Variants in NUP98 observed in about 807,000 individuals in gnomAD.
NUP98 encodes the protein nucleoporin 98 and 96 precursor.
Under a neutral mutation model 191.9 loss-of-function variants are expected in NUP98, and 26 were observed. That is an observed-to-expected ratio of 0.14 (90% CI 0.10 to 0.19). The LOEUF (loss-of-function observed/expected upper bound fraction) is 0.19, where lower values mean the gene tolerates loss of function less well. Ranked by LOEUF, NUP98 falls within the 10% of genes least tolerant of loss-of-function variation. NUP98 has a pLI of 1.00. For missense variants in NUP98, 1,941 were observed against 2,178.8 expected (o/e 0.89, Z 2.17); for synonymous variants, 808 against 778.4 (o/e 1.04, Z -0.63).
chr11:3,793,691 C>A (rs1050325390), intron 1 of NUP98, among the ~76,000 whole-genome samples: 1 of 152,036 alleles, frequency 6.6e-6, no homozygotes, highest in Non-Finnish European at 1.5e-5. Flanking sequence ...GTAATTATGG[C>A]TGGGCATGGT....
intron 28 of NUP98, among the ~76,000 whole-genome samples, chr11:3,689,856 C>T (rs1202092764): frequency 2.6e-5 from 4 of 151,222 alleles, no homozygotes; most frequent in African/African-American, 9.7e-5. Flanking sequence ...AGGCTGGCCT[C>T]GAACTCCTGG....
intron 16 of NUP98, among the ~76,000 whole-genome samples, chr11:3,722,105 CTTTTTTTTTTT>C (rs923606079): frequency 1.8e-5 from 2 of 108,264 alleles, no homozygotes; most frequent in Non-Finnish European, 3.8e-5. Context: ...ACCTGGAATT[CTTTTTTTTTTT>C]TTTTTTTTTT....
intron 14 of NUP98, among the ~76,000 whole-genome samples, chr11:3,726,172 C>A (rs566979931): frequency 6.6e-6 from 1 of 151,952 alleles, no homozygotes; most frequent in Admixed American, 6.6e-5. Context: ...CTATTGCTAT[C>A]GCCTTTTACT....
At position 3,797,501 on chromosome 11, in the gene NUP98, C is replaced by G; in HGVS notation, c.-130G>C. Reference sequence around the variant, plus strand: ...CACGAAACCGTCGCCGCCGCCGCTACCACCCCTGCCACCGACCGCCGCTTC... The same window carrying G: ...CACGAAACCGTCGCCGCCGCCGCTAGCACCCCTGCCACCGACCGCCGCTTC... On this transcript the variant is annotated 5_prime_UTR_variant, in exon 1 of 33. Transcript: ENST00000324932. 2.3e-6 allele frequency: 1 copy of G among 436,700 alleles called. No individual in the cohort carries two copies. The highest frequency in any genetic ancestry group is 3.6e-5 in the East Asian group (1 of 28,122). 27.1% of individuals were successfully genotyped at this position (436,700 alleles called of 1,614,324 possible). A position where few individuals can be genotyped will look rare whatever the true frequency, so the allele number is the denominator to read the frequency against.
chr11:3,691,936 T>A (rs1016209213), intron 27 of NUP98, among the ~76,000 whole-genome samples: 1 of 152,098 alleles, frequency 6.6e-6, no homozygotes, highest in Admixed American at 6.6e-5. Flanking sequence ...GAGCCTATAA[T>A]CCCAGCACTT....
At chr11:3,710,848 A>G (rs1218968513) in intron 20 of NUP98, among the ~76,000 whole-genome samples, 1 of 152,222 alleles carries the variant, frequency 6.6e-6, no homozygotes, top group Non-Finnish European at 1.5e-5. Context: ...AACAAAACCT[A>G]AAGTCTGGAC....
rs780984296 is a variant in NUP98, at chr11:3,683,368, T to C, written c.4750A>G (p.Lys1584Glu). Residue 1584 changes from lysine (K) to glutamate (E), a missense_variant, in exon 30 of 33, where the codon AAA (lysine) becomes GAA (glutamate). Lys to Glu is a moderately conservative substitution (Grantham distance 56, BLOSUM62 1). Around this residue, in one of 6 missense-constraint regions of NUP98, gnomAD observed 1,030 missense variants for 1,115.8 expected, o/e 0.92. Coordinates refer to ENST00000324932, the MANE Select transcript of NUP98 (RefSeq NM_016320.5). ...AGCTTCTGGGTAAGGAAAGTCTCTT[T>C]AGCCCAAGATTCAGGGGTCTCCAAC... Reference protein sequence around the residue: ...QLLETPESWAKETFLTQKLRV... With the variant: ...QLLETPESWAEETFLTQKLRV... 1.9e-6 allele frequency: 3 copies of C among 1,614,190 alleles called. No homozygotes were observed. Among genetic ancestry groups the C allele is most frequent in the Non-Finnish European group, 2.5e-6 (3 of 1,180,032 alleles).
chr11:3,700,915 C>A (rs2078656667), intron 23 of NUP98, 76 bp from the exon 24 acceptor site: 1 of 963,474 alleles, frequency 1.0e-6, no homozygotes, highest in African/African-American at 1.6e-5. Context: ...AACCAAACCA[C>A]TGTTTCTTTT....
chr11:3,705,105 C>T (rs1205356541), intron 22 of NUP98, 95 bp downstream of exon 22: 4 of 1,152,812 alleles, frequency 3.5e-6, no homozygotes, highest in Non-Finnish European at 5.1e-6. Flanking sequence ...CAGATACTTG[C>T]TAGAGAAGTC....
At chr11:3,793,709 G>A (rs977781215) in intron 1 of NUP98, among the ~76,000 whole-genome samples, 2 of 151,960 alleles carry the variant, frequency 1.3e-5, no homozygotes, top group Non-Finnish European at 1.5e-5. Flanking sequence ...GGTGGCTCAC[G>A]CCTGTAATCC....
chr11:3,698,215 C>A (rs2134091132), intron 25 of NUP98, among the ~76,000 whole-genome samples: 1 of 152,188 alleles, frequency 6.6e-6, no homozygotes, highest in East Asian at 1.9e-4. Flanking sequence ...GAAAAGTTCA[C>A]AAGCATATGT....
intron 23 of NUP98, among the ~76,000 whole-genome samples, chr11:3,701,088 A>T (rs1443915662): frequency 6.6e-6 from 1 of 152,148 alleles, no homozygotes; most frequent in East Asian, 1.9e-4. Flanking sequence ...AAGCATGAGA[A>T]TCCTAACAGA....
rs115007944 is a variant in NUP98 at position 3,690,077 on chromosome 11, A to G, written c.4454+1270T>C. 7.9e-3 allele frequency among the ~76,000 whole-genome samples: 1,160 copies of G among 146,728 alleles called. 19 individuals are homozygous for G. The highest frequency in any genetic ancestry group is 0.03 in the Middle Eastern group (8 of 266). ...AGTGATTCTCCTGCCTCAGTTTCCT[A>G]GGTAACTGAGATTACAGGTGCCTAC... On this transcript the variant is annotated intron_variant, in intron 28 of 32. Coordinates refer to ENST00000324932, the MANE Select transcript of NUP98 (RefSeq NM_016320.5).
chr11:3,757,259 C>T (rs77760851), intron 10 of NUP98, among the ~76,000 whole-genome samples: 1 of 151,990 alleles, frequency 6.6e-6, no homozygotes, highest in Non-Finnish European at 1.5e-5. Flanking sequence ...GAAGCCAAGA[C>T]AGGCAGATCA....
rs1291857134 is a variant in NUP98, at chr11:3,731,495, T to C, written c.1626A>G (p.Arg542=). 6.2e-7 allele frequency: 1 copy of C among 1,609,342 alleles called. No homozygotes were observed. Among genetic ancestry groups the C allele is most frequent in the Non-Finnish European group, 8.5e-7 (1 of 1,177,646 alleles). The change falls in exon 14 of 33, where the codon AGA becomes AGG. Residue 542 remains arginine (R), a synonymous_variant. Coordinates refer to ENST00000324932, the MANE Select transcript of NUP98 (RefSeq NM_016320.5). ...TTGTTTGTAAAGCCTTTGGCCGGAC[T>C]CTAGTGGCAGGGCGGGGTGTCAGTT... ...HYKLTPRPAT[R]VRPKALQTTG...
At chr11:3,754,938 T>C (rs1411349651) in intron 10 of NUP98, among the ~76,000 whole-genome samples, 3 of 83,610 alleles carry the variant, frequency 3.6e-5, no homozygotes, top group African/African-American at 5.3e-5. Context: ...CGAGACACTA[T>C]CTCAAAAAAA....
intron 26 of NUP98, among the ~76,000 whole-genome samples, chr11:3,693,835 ATACTT>A (rs1350203755): frequency 6.6e-6 from 1 of 152,238 alleles, no homozygotes; most frequent in East Asian, 1.9e-4. Flanking sequence ...ATTTCTGAAA[ATACTT>A]TAAGATAATA....
At position 3,714,906 on chromosome 11, in the gene NUP98, T is replaced by G. The variant is rs565676683; in HGVS notation, c.2400-911A>C. ...TACCCATTCACTTATCAATGAACAT[T>G]TGGGTGACTTTTACCTACTGGCTGT... On this transcript the variant is annotated intron_variant, in intron 18 of 32. Transcript: ENST00000324932. 2.6e-5 allele frequency: 4 copies of G among 152,214 alleles called. 1 individual carries two copies. The highest frequency in any genetic ancestry group is 4.1e-4 in the South Asian group (2 of 4,830). 9.4% of individuals were successfully genotyped at this position (152,214 alleles called of 1,614,324 possible).
chr11:3,741,076 C>T lies in NUP98; in HGVS notation c.1408+3433G>A, dbSNP rs534752844. On this transcript the variant is annotated intron_variant, in intron 12 of 32. Coordinates refer to ENST00000324932, the MANE Select transcript of NUP98 (RefSeq NM_016320.5). Reference sequence around the variant, plus strand: ...ACCTCAAGCAATCCGCCTGCCTCAGCCTCCCAAAGTGCTGGGATTACAGTC... The same window carrying T: ...ACCTCAAGCAATCCGCCTGCCTCAGTCTCCCAAAGTGCTGGGATTACAGTC... Among the ~76,000 whole-genome samples the T allele has an allele frequency of 1.8e-4, 28 of 151,616 alleles. No individual in the cohort carries two copies. The East Asian group carries it at 5.3e-3, about 29-fold the overall frequency.
Sources: gnomAD v4.1 joint callset for allele counts (sites outside exome capture counted in the v4.1 genomes callset) on GRCh38, gnomAD v4.1.1 for gene constraint, gnomAD v4.1.1 regional missense constraint, MANE v1.5 for transcripts, NCBI Gene and HGNC (gene_info 2026-07-23, HGNC 2026-07-21) for gene names.